MOB1A: variants seen among roughly 807,000 people sequenced by gnomAD.
The protein encoded by MOB1A is MOB1 Mps One Binder homolog A.
A neutral mutation model predicts 25.1 loss-of-function variants in MOB1A; 10 were observed. The observed-to-expected ratio is 0.40, with a 90% confidence interval of 0.25 to 0.68. The LOEUF (loss-of-function observed/expected upper bound fraction) is 0.68, where lower values mean the gene tolerates loss of function less well. MOB1A is among the 30% of genes least tolerant of loss of function. The pLI is 0.40. For synonymous variants in MOB1A, 81 were observed against 79.5 expected, an observed-to-expected ratio of 1.02 and a Z score of -0.10; for missense variants, 177 against 256.3, an observed-to-expected ratio of 0.69 and a Z score of 2.11.
Position 74,178,622 on chromosome 2 carries a change from G to A in MOB1A, c.14+39C>T, listed in dbSNP as rs776393127. ...CCGGGGAGGCCTCCCCCACAACCTC[G>A]GCCCGCAGGCCCGGCGCCCGCGGCC... On this transcript the variant is annotated intron_variant, in intron 1 of 5. Coordinates refer to ENST00000396049, the MANE Select transcript of MOB1A (RefSeq NM_018221.5). 6 of 1,372,138 alleles carry A rather than the reference G, an allele frequency of 4.4e-6. No individual in the cohort carries two copies. The African/African-American group carries it at 4.6e-5, about 10-fold the overall frequency. 85.0% of individuals were successfully genotyped at this position (1,372,138 alleles called of 1,614,324 possible). A position where few individuals can be genotyped will look rare whatever the true frequency, so the allele number is the denominator to read the frequency against.
Position 74,155,275 on chromosome 2 carries a change from C to T in MOB1A, c.*1293G>A, listed in dbSNP as rs1305962852. On this transcript the variant is annotated 3_prime_UTR_variant, in exon 6 of 6. Coordinates refer to ENST00000396049, the MANE Select transcript of MOB1A (RefSeq NM_018221.5). ...ATGTTTTCTTCACTGAAGGGGAAGG[C>T]TTTTATATCCCAATAGAAATAGAGG... The T allele has an allele frequency of 6.6e-6, 1 of 152,584 alleles. No homozygotes were observed. The highest frequency in any genetic ancestry group is 1.5e-5 in the Non-Finnish European group (1 of 67,998). The allele number at this position is 152,584 out of a possible 1,614,324, so 9.5% of individuals were successfully genotyped here.
chr2:74,170,762 G>A (rs1415361774), intron 2 of MOB1A, among the ~76,000 whole-genome samples: 4 of 150,944 alleles, frequency 2.6e-5, no homozygotes, highest in Non-Finnish European at 5.9e-5. Context: ...ATGGTGGTGT[G>A]AGCCTGTAGT....
At chr2:74,174,269 CAAAAAAA>C (rs760925429) in intron 1 of MOB1A, among the ~76,000 whole-genome samples, 1 of 80,736 alleles carries the variant, frequency 1.2e-5, no homozygotes, top group Admixed American at 1.3e-4. Flanking sequence ...GACTCCGTCT[CAAAAAAA>C]AAAAAAAAAG....
At chr2:74,167,558 C>A (rs556711210) in intron 2 of MOB1A, among the ~76,000 whole-genome samples, 5 of 152,142 alleles carry the variant, frequency 3.3e-5, no homozygotes. Flanking sequence ...ACTATTATAT[C>A]CTTTGGATAT....
At chr2:74,170,752 A>T (rs1480151907) in intron 2 of MOB1A, among the ~76,000 whole-genome samples, 1 of 148,750 alleles carries the variant, frequency 6.7e-6, no homozygotes, top group Non-Finnish European at 1.5e-5. Context: ...TTAGCAGGGC[A>T]TGGTGGTGTG....
At chr2:74,172,899 C>A in intron 1 of MOB1A, 147 bp from the exon 2 acceptor site, 1 of 824,862 alleles carries the variant, frequency 1.2e-6, no homozygotes, top group South Asian at 1.6e-5. Flanking sequence ...TGCCTGTAAT[C>A]CCAGCACTTT....
chr2:74,167,074 T>C lies in MOB1A; in HGVS notation c.215A>G (p.Tyr72Cys). 6.2e-7 allele frequency: 1 copy of C among 1,613,922 alleles called. No homozygotes were observed. The highest frequency in any genetic ancestry group is 8.5e-7 in the Non-Finnish European group (1 of 1,179,824). Residue 72 changes from tyrosine to cysteine, a missense_variant, in exon 3 of 6, where the codon TAT becomes TGT. By Grantham distance (194) the Tyr-to-Cys change is radical. Coordinates refer to ENST00000396049, the MANE Select transcript of MOB1A (RefSeq NM_018221.5). ...VDFFNQINMLYGTITEFCTEA... is the reference protein window; with the variant it reads ...VDFFNQINMLCGTITEFCTEA... ...AGTGCAGAATTCTGTAATAGTTCCA[T>C]ATAACATGTTGATCTGGTTAAAGAA...
chr2:74,172,694 G>A lies in MOB1A; in HGVS notation c.73C>T (p.Gln25Ter), dbSNP rs1156969421. The change falls in exon 2 of 6, where the codon CAG becomes TAG. Residue 25 changes from glutamine (Q) to a stop codon, truncating the protein, a stop_gained. Coordinates refer to ENST00000396049, the MANE Select transcript of MOB1A (RefSeq NM_018221.5). LOFTEE classifies it high-confidence loss of function. Reference sequence around the variant, plus strand: ...TCTGCATGTTTTAAGAGTTCATACTGATGAGATCCTTCAGGGATATTCTTC... The same window carrying A: ...TCTGCATGTTTTAAGAGTTCATACTAATGAGATCCTTCAGGGATATTCTTC... ...PKKNIPEGSH[Q>*]YELLKHAEAT... The A allele has an allele frequency of 6.2e-7, 1 of 1,613,756 alleles. No individual in the cohort carries two copies. The highest frequency in any genetic ancestry group is 8.5e-7 in the Non-Finnish European group (1 of 1,179,874).
rs890376240 is a variant in MOB1A at position 74,166,145 on chromosome 2, A to G, written c.276-794T>C. Among the ~76,000 whole-genome samples, 8 of 152,080 alleles carry G rather than the reference A, an allele frequency of 5.3e-5. No homozygotes were observed. In the East Asian group the frequency reaches 1.3e-3, roughly 26 times the overall value. On this transcript the variant is annotated intron_variant, in intron 3 of 5. Coordinates refer to ENST00000396049, the MANE Select transcript of MOB1A (RefSeq NM_018221.5). ...GAAACTGGAAGGAAACACAGCAAAC[A>G]TTAATCCCATCATATGATGGACTTA...
intron 4 of MOB1A, among the ~76,000 whole-genome samples, chr2:74,159,829 ACC>A (rs1692914638): frequency 2.2e-5 from 2 of 91,574 alleles, no homozygotes; most frequent in African/African-American, 7.6e-5. Flanking sequence ...CCCCCCCCCC[ACC>A]CCGGAGACTG....
At chr2:74,174,062 T>C (rs2103743989) in intron 1 of MOB1A, among the ~76,000 whole-genome samples, 1 of 146,750 alleles carries the variant, frequency 6.8e-6, no homozygotes, top group South Asian at 2.1e-4. Context: ...GGTCAAGAGA[T>C]TGAGACTATC....
intron 1 of MOB1A, among the ~76,000 whole-genome samples, chr2:74,176,554 G>A (rs1251273675): frequency 3.3e-5 from 5 of 151,860 alleles, no homozygotes; most frequent in African/African-American, 1.2e-4. Context: ...CACTAGGTCA[G>A]GATATTGAGA....
At chr2:74,170,391 C>A (rs1425548082) in intron 2 of MOB1A, among the ~76,000 whole-genome samples, 1 of 152,068 alleles carries the variant, frequency 6.6e-6, no homozygotes, top group Non-Finnish European at 1.5e-5. Flanking sequence ...CCTGCCTCGG[C>A]CTCCCAAAGT....
chr2:74,178,244 T>C (rs967286897), intron 1 of MOB1A: 6 of 155,722 alleles, frequency 3.9e-5, no homozygotes, highest in Admixed American at 2.0e-4. Context: ...CACATTCTCC[T>C]GGGGCGGCAT....
chr2:74,164,042 G>A (rs190922828), intron 4 of MOB1A: 4 of 152,270 alleles, frequency 2.6e-5, no homozygotes, highest in Admixed American at 1.3e-4. Flanking sequence ...CAGAGCCACA[G>A]TCACCAACGT....
intron 4 of MOB1A, among the ~76,000 whole-genome samples, chr2:74,161,957 A>G (rs1692986297): frequency 6.7e-6 from 1 of 149,146 alleles, no homozygotes; most frequent in Admixed American, 6.7e-5. Context: ...AGTCTGTCTC[A>G]AAAAAAAAAG....
intron 4 of MOB1A, among the ~76,000 whole-genome samples, chr2:74,160,110 A>T (rs1190036325): frequency 6.6e-6 from 1 of 152,080 alleles, no homozygotes; most frequent in Non-Finnish European, 1.5e-5. Flanking sequence ...AATATTAGAG[A>T]GTTTCTTTCT....
chr2:74,164,295 G>C (rs1317585255), intron 4 of MOB1A: 1 of 152,336 alleles, frequency 6.6e-6, no homozygotes, highest in African/African-American at 2.4e-5. Flanking sequence ...AAGGCAGGTA[G>C]ATCACTTGAG....
intron 1 of MOB1A, among the ~76,000 whole-genome samples, chr2:74,176,086 ACACACACACACACACACAC>A (rs1693449117): frequency 1.4e-5 from 1 of 69,650 alleles, no homozygotes; most frequent in African/African-American, 4.5e-5. Flanking sequence ...CCTCTACTAC[ACACACACACACACACACAC>A]ACACACACAC....
Sources: gnomAD v4.1 joint callset for allele counts (sites outside exome capture counted in the v4.1 genomes callset) on GRCh38, gnomAD v4.1.1 for gene constraint, MANE v1.5 for transcripts, NCBI Gene and HGNC (gene_info 2026-07-23, HGNC 2026-07-21) for gene names.